DNAH12: variants seen among roughly 807,000 people sequenced by gnomAD.
The protein encoded by DNAH12 is dynein axonemal heavy chain 12.
Under a neutral mutation model 371.5 loss-of-function variants are expected in DNAH12, and 285 were observed. That is an observed-to-expected ratio of 0.77 (90% CI 0.70 to 0.85). DNAH12 has a LOEUF of 0.85. DNAH12 is among the 40% of genes least tolerant of loss of function. The probability of loss-of-function intolerance (pLI) is 0.00; values close to 1 mark genes in which losing one functional copy is unlikely to be tolerated. For synonymous variants in DNAH12, 1,200 were observed against 1,213.0 expected, an observed-to-expected ratio of 0.99 and a Z score of 0.22; for missense variants, 3,611 against 3,689.4, an observed-to-expected ratio of 0.98 and a Z score of 0.55.
chr3:57,483,541 A>C (rs1296832944), intron 12 of DNAH12, 30 bp from the exon 13 acceptor site: 1 of 1,523,250 alleles, frequency 6.6e-7, no homozygotes, highest in Non-Finnish European at 8.8e-7. Flanking sequence ...TAATAGACTT[A>C]TGGCAATTAA....
intron 43 of DNAH12, among the ~76,000 whole-genome samples, chr3:57,401,604 C>T (rs1478244198): frequency 2.1e-5 from 3 of 142,780 alleles, no homozygotes; most frequent in African/African-American, 7.8e-5. Flanking sequence ...AGAAGAAAGA[C>T]ATAAAATCAA....
intron 57 of DNAH12, among the ~76,000 whole-genome samples, chr3:57,364,077 A>C (rs1224030538): frequency 1.3e-5 from 2 of 152,200 alleles, no homozygotes; most frequent in Admixed American, 6.5e-5. Flanking sequence ...GAAGAAACTC[A>C]AAGTATGAAC....
intron 19 of DNAH12, 50 bp from the exon 20 acceptor site, chr3:57,459,836 T>C (rs2066005270): frequency 2.4e-6 from 3 of 1,254,848 alleles, no homozygotes; most frequent in South Asian, 5.7e-5. Context: ...AGAAAGGCTA[T>C]AAATTATAGC....
intron 39 of DNAH12, among the ~76,000 whole-genome samples, chr3:57,410,820 G>T (rs1247319633): frequency 1.0e-5 from 1 of 97,338 alleles, no homozygotes; most frequent in Non-Finnish European, 2.0e-5. Context: ...TGTCTCAAAG[G>T]CAAAAAAAAA....
At chr3:57,550,814 T>C in the DNAH12 span, among the ~76,000 whole-genome samples, 1 of 152,042 alleles carries the variant, frequency 6.6e-6, no homozygotes, top group Non-Finnish European at 1.5e-5. Context: ...AAGACAATCT[T>C]TAAATAACCT....
rs529531729 is a variant in DNAH12, at chr3:57,478,939, AG to A, written c.1650+4436del. On this transcript the variant is annotated intron_variant, in intron 13 of 73. Coordinates refer to ENST00000495027, the MANE Select transcript of DNAH12 (RefSeq NM_001366028.2). ...CCTGAAGGAAGCGCTAAACATGGAA[AG>A]GAACAATCAGTACCAGCCACTGCAA... Among the ~76,000 whole-genome samples the A allele has an allele frequency of 8.2e-4, 125 of 152,342 alleles. 1 individual carries two copies. In the East Asian group the frequency reaches 0.022, roughly 27 times the overall value.
chr3:57,301,854 G>A lies in DNAH12; in HGVS notation c.11275C>T (p.Leu3759Phe). ...TTTCCAACAAGTAAGCTACCGGAGAGTGCCTCCAATGCAGAATCCATCACA... is the reference window on the plus strand; with the variant it reads ...TTTCCAACAAGTAAGCTACCGGAGAATGCCTCCAATGCAGAATCCATCACA... The part of the protein sequence containing the change: ...VVVMDSALEA[L>F]SGSLLVGKVP... Residue 3759 changes from leucine to phenylalanine, a missense_variant, in exon 70 of 74, where the codon CTC becomes TTC. By Grantham distance (22) the Leu-to-Phe change is conservative. Coordinates refer to ENST00000495027, the MANE Select transcript of DNAH12 (RefSeq NM_001366028.2). 6.4e-7 allele frequency: 1 copy of A among 1,551,614 alleles called. No homozygotes were observed.
chr3:57,446,852 G>C (rs2065518074), intron 25 of DNAH12, among the ~76,000 whole-genome samples, 163 bp from the exon 26 acceptor site: 1 of 152,210 alleles, frequency 6.6e-6, no homozygotes, highest in South Asian at 2.1e-4. Context: ...TGCATGAAGA[G>C]AAAGCATTTT....
chr3:57,507,695 G>A lies in DNAH12; in HGVS notation c.845C>T (p.Pro282Leu), dbSNP rs757805534. 2.3e-5 allele frequency: 37 copies of A among 1,610,894 alleles called. No homozygotes were observed. The highest frequency in any genetic ancestry group is 3.0e-5 in the Non-Finnish European group (35 of 1,179,590). The part of the protein sequence containing the change: ...TKKEALEGVK[P>L]EKLDAFYSCV... ...GCTATAAAATGCATCCAATTTTTCA[G>A]GTTTAACACCTTCTAGTGCCTCCTT... The change falls in exon 8 of 74, where the codon CCT becomes CTT. Residue 282 changes from proline (P) to leucine (L), a missense_variant. Coordinates refer to ENST00000495027, the MANE Select transcript of DNAH12 (RefSeq NM_001366028.2).
At chr3:57,316,984 A>C (rs2153281216) in intron 65 of DNAH12, among the ~76,000 whole-genome samples, 1 of 152,332 alleles carries the variant, frequency 6.6e-6, no homozygotes, top group South Asian at 2.1e-4. Flanking sequence ...AATTCATTTG[A>C]GCCTCAGTTT....
At chr3:57,551,560 G>A in the DNAH12 span, among the ~76,000 whole-genome samples, 8 of 152,032 alleles carry the variant, frequency 5.3e-5, no homozygotes, top group Admixed American at 2.0e-4. Context: ...ATTAGCCACC[G>A]CGCCCGGCCA....
rs1223523147 is a variant in DNAH12, at chr3:57,415,333, TAC to T, written c.5853+91_5853+92del. The T allele has an allele frequency of 9.0e-6, 13 of 1,442,542 alleles. No homozygotes were observed. In the South Asian group the frequency reaches 1.5e-4, roughly 17 times the overall value. The allele number at this position is 1,442,542 out of a possible 1,614,324, so 89.4% of individuals were successfully genotyped here. On this transcript the variant is annotated intron_variant, in intron 38 of 73. Coordinates refer to ENST00000495027, the MANE Select transcript of DNAH12 (RefSeq NM_001366028.2). The stretch of plus-strand genomic sequence containing the variant: ...TTTGAAAGTTTTAAATTCATAGATT[TAC>T]ACAGTTGCTTATTTAATGTACAATT...
intron 49 of DNAH12, among the ~76,000 whole-genome samples, chr3:57,383,759 TAAAAAA>T (rs1276621133): frequency 8.3e-5 from 11 of 132,576 alleles, no homozygotes; most frequent in Non-Finnish European, 1.6e-4. Context: ...GACCCTGTCT[TAAAAAA>T]AAAAAAAAAG....
chr3:57,544,066 A>T (rs1231681639), intron 1 of DNAH12, 131 bp downstream of exon 1: 2 of 152,246 alleles, frequency 1.3e-5, no homozygotes, highest in Admixed American at 6.5e-5. Flanking sequence ...TTGTACTGTG[A>T]TAACAACTAT....
Position 57,509,193 on chromosome 3 carries a change from T to C in DNAH12, c.489A>G (p.Lys163=). 6.2e-7 allele frequency: 1 copy of C among 1,613,792 alleles called. No individual in the cohort carries two copies. The highest frequency in any genetic ancestry group is 8.5e-7 in the Non-Finnish European group (1 of 1,179,916). The change falls in exon 6 of 74, where the codon AAA becomes AAG. Residue 163 remains lysine, a synonymous_variant. Coordinates refer to ENST00000495027, the MANE Select transcript of DNAH12 (RefSeq NM_001366028.2). ...KRYLVQSVLV[K]PPVKSLEDEG... Reference sequence around the variant, plus strand: ...CATCTTCAAGCGATTTAACTGGTGGTTTCACAAGAACGCTCTGCACTAAAA... The same window carrying C: ...CATCTTCAAGCGATTTAACTGGTGGCTTCACAAGAACGCTCTGCACTAAAA...
intron 43 of DNAH12, among the ~76,000 whole-genome samples, chr3:57,394,581 G>C (rs1465632109): frequency 6.6e-6 from 1 of 152,134 alleles, no homozygotes; most frequent in African/African-American, 2.4e-5. Flanking sequence ...GATTTAAGCA[G>C]GGCCCAATCA....
intron 66 of DNAH12, 106 bp from the exon 67 acceptor site, chr3:57,311,056 A>T: frequency 1.2e-6 from 1 of 824,564 alleles, no homozygotes; most frequent in East Asian, 2.7e-5. Flanking sequence ...AAGAATTATC[A>T]TGAGTTGTCT....
chr3:57,439,169 T>C (rs753956042), intron 29 of DNAH12, among the ~76,000 whole-genome samples: 3 of 152,120 alleles, frequency 2.0e-5, no homozygotes, highest in African/African-American at 4.8e-5. Context: ...CCTATCAAGC[T>C]ACCAAGATTA....
At chr3:57,507,226 C>G (rs944620768) in intron 8 of DNAH12, among the ~76,000 whole-genome samples, 3 of 151,942 alleles carry the variant, frequency 2.0e-5, no homozygotes, top group Non-Finnish European at 2.9e-5. Flanking sequence ...TGATCAATAA[C>G]TTTAAAAATT....
Sources: gnomAD v4.1 joint callset for allele counts (sites outside exome capture counted in the v4.1 genomes callset) on GRCh38, gnomAD v4.1.1 for gene constraint, MANE v1.5 for transcripts, NCBI Gene and HGNC (gene_info 2026-07-23, HGNC 2026-07-21) for gene names.